The following KCNQ4 variants were observed in gnomAD, a reference collection of about 807,000 sequenced individuals.
The protein encoded by KCNQ4 is potassium voltage-gated channel subfamily KQT member 4.
Under a neutral mutation model 72.6 loss-of-function variants are expected in KCNQ4, and 31 were observed. The observed-to-expected ratio is 0.43, with a 90% CI of 0.32 to 0.58. KCNQ4 has a LOEUF of 0.58. Among genes scored for constraint, KCNQ4 ranks in the 20% least tolerant of loss-of-function variants. The pLI is 0.08. For synonymous variants in KCNQ4, 405 were observed against 403.7 expected (o/e 1.00, Z -0.04); for missense variants, 869 against 962.6 (o/e 0.90, Z 1.29).
chr1:40,789,549 T>G (rs1295317720), intron 1 of KCNQ4, among the ~76,000 whole-genome samples: 1 of 152,144 alleles, frequency 6.6e-6, no homozygotes, highest in Non-Finnish European at 1.5e-5. Context: ...TCCTCCTCCT[T>G]GCACTCCCCT....
chr1:40,824,280 C>A, intron 9 of KCNQ4, 22 bp downstream of exon 9: 1 of 1,600,344 alleles, frequency 6.2e-7, no homozygotes. Flanking sequence ...GTGGGGCTGC[C>A]ACCTCCTCTT....
In KCNQ4 at chr1:40,824,249, C is replaced by T. The variant is rs932108929; in HGVS notation, c.1283C>T (p.Pro428Leu). 8.1e-6 allele frequency: 13 copies of T among 1,608,286 alleles called. No homozygotes were observed. Among genetic ancestry groups the T allele is most frequent in the Non-Finnish European group, 1.0e-5 (12 of 1,178,390 alleles). ...CGGCCGGGCAGCACCTCCTTCTGCC[C>T]TGGGGAAAGGTAGGGGCCCCGTGGG... is the stretch of plus-strand genomic sequence containing the variant. ...CHRPGSTSFC[P>L]GESSRMGIKD... Residue 428 changes from proline to leucine, a missense_variant, in exon 9 of 14, where the codon CCT becomes CTT. Physicochemically the swap from Pro to Leu is moderately conservative, Grantham distance 98 (BLOSUM62 -3). Transcript: ENST00000347132.
At chr1:40,815,064 A>G (rs1358344873) in intron 1 of KCNQ4, among the ~76,000 whole-genome samples, 1 of 151,896 alleles carries the variant, frequency 6.6e-6, no homozygotes, top group Non-Finnish European at 1.5e-5. Context: ...ACATGGTGCA[A>G]CCCCGTCTCT....
chr1:40,800,927 C>T (rs756057967), intron 1 of KCNQ4, among the ~76,000 whole-genome samples: 29 of 152,178 alleles, frequency 1.9e-4, no homozygotes, highest in Admixed American at 3.3e-4. Flanking sequence ...GAAGGGGAGA[C>T]AGTACAAAAG....
chr1:40,836,632 A>G (rs1648812488), intron 12 of KCNQ4, among the ~76,000 whole-genome samples: 1 of 152,196 alleles, frequency 6.6e-6, no homozygotes, highest in Non-Finnish European at 1.5e-5. Flanking sequence ...TTGCAGAGAT[A>G]GAGGAGGAAC....
At chr1:40,807,961 T>TA (rs1553166617) in intron 1 of KCNQ4, among the ~76,000 whole-genome samples, 9 of 127,492 alleles carry the variant, frequency 7.1e-5, no homozygotes, top group South Asian at 2.5e-4. Flanking sequence ...CTACTAAAAA[T>TA]CAAAAAAAAT....
At chr1:40,826,614 C>T (rs1190248364) in intron 9 of KCNQ4, 3 of 454,420 alleles carry the variant, frequency 6.6e-6, no homozygotes, top group Non-Finnish European at 1.3e-5. Flanking sequence ...AACCTCTGTT[C>T]GTGTCTTATT....
intron 8 of KCNQ4, among the ~76,000 whole-genome samples, chr1:40,823,088 G>A (rs920911467): frequency 3.1e-4 from 47 of 152,258 alleles, no homozygotes; most frequent in Non-Finnish European, 5.9e-5. Flanking sequence ...GCTGGGGCAG[G>A]ATGCTGTGCT....
In KCNQ4 at chr1:40,835,013, C is replaced by T. The variant is rs376909924; in HGVS notation, c.1660C>T (p.Arg554Ter). 2 of 1,613,978 alleles carry T rather than the reference C, an allele frequency of 1.2e-6. No individual in the cohort carries two copies. The highest frequency in any genetic ancestry group is 1.7e-6 in the Non-Finnish European group (2 of 1,179,890). Residue 554 changes from arginine to a stop codon, truncating the protein, a stop_gained, in exon 12 of 14, where the codon CGA (arginine) becomes TGA (stop). Coordinates refer to ENST00000347132, the MANE Select transcript of KCNQ4 (RefSeq NM_004700.4). LOFTEE classifies it high-confidence loss of function. ...VAKRKFKETL[R>*]PYDVKDVIEQ... ...CAAAAGGAAATTCAAGGAGACACTG[C>T]GACCGTACGACGTGAAGGACGTCAT... is the stretch of plus-strand genomic sequence containing the variant.
chr1:40,813,754 G>A (rs1275273095), intron 1 of KCNQ4, among the ~76,000 whole-genome samples: 1 of 150,698 alleles, frequency 6.6e-6, no homozygotes, highest in Non-Finnish European at 1.5e-5. Flanking sequence ...TTTTGTTTTT[G>A]TTTTTGTTTT....
At chr1:40,791,722 A>G (rs1241812001) in intron 1 of KCNQ4, among the ~76,000 whole-genome samples, 2 of 152,160 alleles carry the variant, frequency 1.3e-5, no homozygotes. Flanking sequence ...CTTGAGGCAC[A>G]TTCTCCTGAG....
intron 9 of KCNQ4, among the ~76,000 whole-genome samples, chr1:40,826,191 G>A (rs1421168350): frequency 6.6e-6 from 1 of 152,222 alleles, no homozygotes; most frequent in East Asian, 1.9e-4. Context: ...GGTGGTGCTT[G>A]GGGATGGACC....
intron 9 of KCNQ4, among the ~76,000 whole-genome samples, chr1:40,825,947 C>T (rs765384583): frequency 4.6e-5 from 7 of 152,278 alleles, no homozygotes; most frequent in South Asian, 2.1e-4. Context: ...CTCCCAGCCT[C>T]GTATCTATCT....
Position 40,819,433 on chromosome 1 carries a change from C to T in KCNQ4, c.795C>T (p.Ser265=). ...ACCTGGCTGAGAAGGACGCCAACTC[C>T]GACTTCTCCTCCTACGCCGACTCGC... ...LVYLAEKDAN[S]DFSSYADSLW... is the part of the protein sequence containing the mutation. The change falls in exon 5 of 14, where the codon TCC becomes TCT. Residue 265 remains serine (S), a synonymous_variant. Transcript: ENST00000347132. The T allele has an allele frequency of 2.5e-6, 4 of 1,613,892 alleles. No individual in the cohort carries two copies. The highest frequency in any genetic ancestry group is 3.4e-6 in the Non-Finnish European group (4 of 1,179,944).
intron 1 of KCNQ4, among the ~76,000 whole-genome samples, chr1:40,789,790 A>G (rs1363717417): frequency 6.6e-6 from 1 of 152,210 alleles, no homozygotes; most frequent in Non-Finnish European, 1.5e-5. Flanking sequence ...TGATGGCAGC[A>G]CTTTGAGTGG....
chr1:40,789,255 A>C (rs1179415826), intron 1 of KCNQ4, among the ~76,000 whole-genome samples: 1 of 152,130 alleles, frequency 6.6e-6, no homozygotes, highest in Non-Finnish European at 1.5e-5. Context: ...TGGGTACACC[A>C]AGACACAGAA....
intron 1 of KCNQ4, among the ~76,000 whole-genome samples, chr1:40,787,798 G>A (rs960312343): frequency 2.6e-5 from 4 of 152,158 alleles, no homozygotes; most frequent in African/African-American, 9.7e-5. Flanking sequence ...CCTGCTCGCT[G>A]AGCCCTTATG....
In KCNQ4 at chr1:40,820,165, G is replaced by T; in HGVS notation, c.946G>T (p.Gly316Cys). ...LGISFFALPA[G>C]ILGSGFALKV... ...CCCCAACCATGCCCTATCCCTCTAG[G>T]GCATCCTAGGCTCCGGCTTTGCCCT... The change falls in exon 7 of 14, where the codon GGC becomes TGC. Residue 316 changes from glycine (G) to cysteine (C), a missense_variant and splice_region_variant. Transcript: ENST00000347132. 6.2e-7 allele frequency: 1 copy of T among 1,605,352 alleles called. No homozygotes were observed. The highest frequency in any genetic ancestry group is 2.3e-5 in the East Asian group (1 of 44,292).
rs78806270 is a variant in KCNQ4 at position 40,822,858 on chromosome 1, G to A, written c.1130+456G>A. On this transcript the variant is annotated intron_variant, in intron 8 of 13. Transcript: ENST00000347132. ...CCTGAACCCCCATGTAGGAATATGT[G>A]CCCACTTTTACTGGGCCAGTCAGCA... is the stretch of plus-strand genomic sequence containing the variant. Among the ~76,000 whole-genome samples the A allele has an allele frequency of 1.5e-3, 231 of 152,328 alleles. 1 individual carries two copies. The East Asian group carries it at 0.032, about 21-fold the overall frequency.
Sources: gnomAD v4.1 joint callset for allele counts (sites outside exome capture counted in the v4.1 genomes callset) on GRCh38, gnomAD v4.1.1 for gene constraint, MANE v1.5 for transcripts, NCBI Gene and HGNC (gene_info 2026-07-23, HGNC 2026-07-21) for gene names.